The following NEGR1 variants were observed in gnomAD, a reference collection of about 807,000 sequenced individuals.
NEGR1 encodes the protein neuronal growth regulator 1.
Under a neutral mutation model 40.9 loss-of-function variants are expected in NEGR1, and 10 were observed. The observed-to-expected ratio is 0.24, with a 90% confidence interval of 0.15 to 0.42. The LOEUF is 0.42. NEGR1 is among the 10% of genes least tolerant of loss of function. The probability of loss-of-function intolerance (pLI) is 1.00; values close to 1 mark genes in which losing one functional copy is unlikely to be tolerated. For missense variants in NEGR1, 352 were observed against 438.9 expected (o/e 0.80, Z 1.77); for synonymous variants, 185 against 166.8 (o/e 1.11, Z -0.84).
intron 4 of NEGR1, among the ~76,000 whole-genome samples, chr1:71,630,031 A>C (rs1368931185): frequency 6.6e-6 from 1 of 151,938 alleles, no homozygotes; most frequent in Non-Finnish European, 1.5e-5. Flanking sequence ...TGTACATTTC[A>C]CTTCTAATTT....
intron 2 of NEGR1, among the ~76,000 whole-genome samples, chr1:71,786,999 G>A (rs1254837199): frequency 6.6e-6 from 1 of 152,176 alleles, no homozygotes; most frequent in African/African-American, 2.4e-5. Context: ...ACATGCGGTC[G>A]CCACATGGAG....
At chr1:71,976,681 A>C (rs1019430359) in intron 1 of NEGR1, among the ~76,000 whole-genome samples, 1 of 152,178 alleles carries the variant, frequency 6.6e-6, no homozygotes, top group African/African-American at 2.4e-5. Flanking sequence ...AATAAAAATA[A>C]ATTTTATTGT....
intron 1 of NEGR1, among the ~76,000 whole-genome samples, chr1:72,071,789 T>C (rs1159283905): frequency 1.3e-5 from 2 of 152,114 alleles, no homozygotes; most frequent in African/African-American, 4.8e-5. Flanking sequence ...CCTAACCTTT[T>C]TTCTATGTTA....
intron 6 of NEGR1, among the ~76,000 whole-genome samples, chr1:71,480,205 A>G (rs1459516008): frequency 6.6e-6 from 1 of 151,902 alleles, no homozygotes; most frequent in Non-Finnish European, 1.5e-5. Flanking sequence ...TATGTTCTTT[A>G]CTTGGAGAAA....
chr1:71,765,589 G>A (rs1472275583), intron 3 of NEGR1, among the ~76,000 whole-genome samples: 1 of 151,922 alleles, frequency 6.6e-6, no homozygotes, highest in Non-Finnish European at 1.5e-5. Flanking sequence ...CCACATCTAA[G>A]TTCTTCATTT....
chr1:71,810,359 A>G (rs1388994042), intron 2 of NEGR1, among the ~76,000 whole-genome samples: 2 of 152,120 alleles, frequency 1.3e-5, no homozygotes, highest in Admixed American at 6.6e-5. Flanking sequence ...CCTCCCTTCC[A>G]GGATCTGCAG....
intron 6 of NEGR1, among the ~76,000 whole-genome samples, chr1:71,578,944 A>G (rs1649044104): frequency 6.6e-6 from 1 of 152,178 alleles, no homozygotes; most frequent in African/African-American, 2.4e-5. Context: ...AAAGTCGTAG[A>G]GAATTTAAGG....
intron 2 of NEGR1, among the ~76,000 whole-genome samples, chr1:71,824,027 A>G (rs1439061172): frequency 6.6e-6 from 1 of 152,142 alleles, no homozygotes; most frequent in Admixed American, 6.5e-5. Flanking sequence ...AATGCAGTCT[A>G]TTCATTACAT....
At chr1:71,727,133 G>T (rs2101659396) in intron 3 of NEGR1, among the ~76,000 whole-genome samples, 1 of 152,078 alleles carries the variant, frequency 6.6e-6, no homozygotes, top group Non-Finnish European at 1.5e-5. Flanking sequence ...GATGAGGCTA[G>T]ATTTTATTTT....
intron 1 of NEGR1, among the ~76,000 whole-genome samples, chr1:72,236,436 A>AAAG (rs200287629): frequency 6.6e-6 from 1 of 151,980 alleles, no homozygotes; most frequent in African/African-American, 2.4e-5. Context: ...ATAATAAAAA[A>AAAG]AAGAAGAAGA....
intron 1 of NEGR1, among the ~76,000 whole-genome samples, chr1:72,005,164 C>A (rs1362027004): frequency 6.6e-6 from 1 of 152,030 alleles, no homozygotes. Context: ...TATTTGGCAC[C>A]TAAGCTCTGT....
At chr1:71,800,579 T>C (rs1444080743) in intron 2 of NEGR1, among the ~76,000 whole-genome samples, 1 of 152,190 alleles carries the variant, frequency 6.6e-6, no homozygotes, top group Non-Finnish European at 1.5e-5. Context: ...CCCTGTAACA[T>C]ACTGTTCATG....
At chr1:72,209,525 C>A (rs970722428) in intron 1 of NEGR1, among the ~76,000 whole-genome samples, 2 of 151,732 alleles carry the variant, frequency 1.3e-5, no homozygotes. Flanking sequence ...ACTCTGAACA[C>A]CTATCCCACT....
At chr1:72,178,416 C>T (rs1201352866) in intron 1 of NEGR1, among the ~76,000 whole-genome samples, 1 of 151,640 alleles carries the variant, frequency 6.6e-6, no homozygotes, top group African/African-American at 2.4e-5. Flanking sequence ...GGCACACTGT[C>T]ACAGCAATTC....
chr1:71,602,039 C>T (rs1409120252), intron 5 of NEGR1, among the ~76,000 whole-genome samples: 1 of 152,052 alleles, frequency 6.6e-6, no homozygotes, highest in African/African-American at 2.4e-5. Flanking sequence ...AAAATCCCCT[C>T]AATAGCTTTC....
intron 5 of NEGR1, among the ~76,000 whole-genome samples, chr1:71,607,234 T>A (rs1437230864): frequency 1.3e-5 from 2 of 152,242 alleles, no homozygotes; most frequent in South Asian, 2.1e-4. Flanking sequence ...TCTGCTGTGT[T>A]CCTCTTGACT....
intron 1 of NEGR1, among the ~76,000 whole-genome samples, chr1:71,988,827 T>C (rs1408120834): frequency 6.8e-6 from 1 of 147,096 alleles, no homozygotes; most frequent in Admixed American, 7.0e-5. Flanking sequence ...AAAATAGCTA[T>C]GGCCACGCAG....
At chr1:71,938,572 T>A (rs1460833922) in intron 1 of NEGR1, among the ~76,000 whole-genome samples, 1 of 152,176 alleles carries the variant, frequency 6.6e-6, no homozygotes, top group African/African-American at 2.4e-5. Flanking sequence ...TAAGAAATTT[T>A]GTAAGGAGGG....
At chr1:72,235,695 A>G (rs1184350934) in intron 1 of NEGR1, among the ~76,000 whole-genome samples, 1 of 152,058 alleles carries the variant, frequency 6.6e-6, no homozygotes, top group Non-Finnish European at 1.5e-5. Context: ...AGTGAGTTCT[A>G]AAGTGTCCAC....
Sources: allele counts gnomAD v4.1 joint callset (sites outside exome capture counted in the v4.1 genomes callset), GRCh38; gene constraint gnomAD v4.1.1; transcripts MANE v1.5; gene names NCBI Gene and HGNC (gene_info 2026-07-23, HGNC 2026-07-21).